The following BTBD10 variants were observed in gnomAD, a reference collection of about 807,000 sequenced individuals.
BTBD10 encodes BTB/POZ domain-containing protein 10.
In BTBD10, 21 loss-of-function variants were observed where a neutral mutation model predicts 53.2. The ratio of observed to expected loss-of-function variants is 0.39; its 90% CI spans 0.28 to 0.57. The LOEUF (loss-of-function observed/expected upper bound fraction) is 0.57, where lower values mean the gene tolerates loss of function less well. Ranked by LOEUF, BTBD10 falls within the 20% of genes least tolerant of loss-of-function variation. The pLI, the probability that BTBD10 is intolerant of heterozygous loss-of-function variation, is 0.53. For synonymous variants in BTBD10, 149 were observed against 192.7 expected (o/e 0.77, Z 1.88); for missense variants, 360 against 594.7 (o/e 0.61, Z 4.10).
At chr11:13,449,371 A>C (rs1418596040) in intron 1 of BTBD10, among the ~76,000 whole-genome samples, 1 of 152,148 alleles carries the variant, frequency 6.6e-6, no homozygotes, top group Non-Finnish European at 1.5e-5. Flanking sequence ...TGTTTCATAT[A>C]TGAGGAAATC....
At chr11:13,389,259 G>T in intron 8 of BTBD10, 118 bp from the exon 9 acceptor site, 3 of 802,170 alleles carry the variant, frequency 3.7e-6, no homozygotes, top group Non-Finnish European at 5.8e-6. Context: ...ACAAAGAAGT[G>T]AAAACAATAT....
chr11:13,414,066 C>T (rs957206370), intron 5 of BTBD10, among the ~76,000 whole-genome samples: 6 of 152,098 alleles, frequency 3.9e-5, no homozygotes, highest in African/African-American at 1.4e-4. Context: ...ATCTTAAATA[C>T]TACCTAGATA....
rs184434156 is a variant in BTBD10 at position 13,450,234 on chromosome 11, C to T, written c.-57-5053G>A. ...AAGACTGACCAGGAGGAAGCCAAGA[C>T]GACACCTGAGACAGTTAAATGTCCT... is the stretch of plus-strand genomic sequence containing the variant. On this transcript the variant is annotated intron_variant, in intron 1 of 8. Transcript: ENST00000278174. Among the ~76,000 whole-genome samples, 24 of 152,192 alleles carry T rather than the reference C, an allele frequency of 1.6e-4. No individual in the cohort carries two copies. The East Asian group carries it at 3.5e-3, about 22-fold the overall frequency.
chr11:13,443,569 C>T (rs920092513), intron 2 of BTBD10, among the ~76,000 whole-genome samples: 11 of 151,688 alleles, frequency 7.3e-5, no homozygotes, highest in African/African-American at 2.2e-4. Flanking sequence ...GATATAAATA[C>T]AGCCCCACAT....
intron 6 of BTBD10, among the ~76,000 whole-genome samples, chr11:13,411,773 G>C (rs866229563): frequency 1.3e-5 from 2 of 151,280 alleles, no homozygotes; most frequent in Non-Finnish European, 2.9e-5. Context: ...TTAAATGGTC[G>C]TATGAATAGA....
chr11:13,427,307 T>C (rs1192768070), intron 2 of BTBD10, among the ~76,000 whole-genome samples: 6 of 152,186 alleles, frequency 3.9e-5, no homozygotes, highest in Non-Finnish European at 8.8e-5. Context: ...AGATACACTA[T>C]GCTAGCACTA....
chr11:13,434,263 C>T (rs1212057963), intron 2 of BTBD10, among the ~76,000 whole-genome samples: 1 of 151,960 alleles, frequency 6.6e-6, no homozygotes, highest in Non-Finnish European at 1.5e-5. Context: ...CATGAAGACC[C>T]AGATACTAAC....
intron 2 of BTBD10, among the ~76,000 whole-genome samples, chr11:13,444,507 G>C (rs948092121): frequency 1.3e-5 from 2 of 152,110 alleles, no homozygotes; most frequent in Non-Finnish European, 2.9e-5. Context: ...AACTTGAAAT[G>C]AATTTTATTT....
chr11:13,404,722 A>C (rs939125409), intron 7 of BTBD10: 5 of 426,760 alleles, frequency 1.2e-5, no homozygotes, highest in South Asian at 9.9e-5. Flanking sequence ...ACACTCATTT[A>C]AGTACATCAT....
intron 8 of BTBD10, among the ~76,000 whole-genome samples, chr11:13,389,397 G>C (rs1236303140): frequency 1.3e-5 from 2 of 150,942 alleles, no homozygotes; most frequent in African/African-American, 4.9e-5. Context: ...TAAAGTAGGA[G>C]TATGTTGGAG....
At chr11:13,400,215 G>T (rs971874134) in intron 8 of BTBD10, among the ~76,000 whole-genome samples, 11 of 152,240 alleles carry the variant, frequency 7.2e-5, no homozygotes, top group Non-Finnish European at 1.0e-4. Flanking sequence ...CTTCCAGGCC[G>T]ATTTGTTTAC....
chr11:13,451,986 C>A (rs1041351516), intron 1 of BTBD10, among the ~76,000 whole-genome samples: 2 of 151,844 alleles, frequency 1.3e-5, no homozygotes, highest in Non-Finnish European at 2.9e-5. Context: ...TAGATGGGTA[C>A]AATGGCATAT....
chr11:13,445,074 A>T lies in BTBD10; in HGVS notation c.51T>A (p.Asn17Lys). 1 of 1,613,328 alleles carries T rather than the reference A, an allele frequency of 6.2e-7. No individual in the cohort carries two copies. The highest frequency in any genetic ancestry group is 8.5e-7 in the Non-Finnish European group (1 of 1,179,490). ...GTCTACTATGCAATTTCCGATCCCA[A>T]TTCTCTGGATCACTGGAGTTACCAT... ...PYDGNSSDPE[N>K]WDRKLHSRPR... is the part of the protein sequence containing the mutation. Residue 17 changes from asparagine to lysine, a missense_variant, in exon 2 of 9, where the codon AAT becomes AAA. Asn to Lys is a moderately conservative substitution (Grantham distance 94). Transcript: ENST00000278174.
At chr11:13,394,585 G>A (rs975634183) in intron 8 of BTBD10, among the ~76,000 whole-genome samples, 5 of 152,184 alleles carry the variant, frequency 3.3e-5, no homozygotes, top group South Asian at 2.1e-4. Context: ...TAGGGTACAC[G>A]TGCACAACGT....
At chr11:13,461,882 G>C (rs1253406176) in intron 1 of BTBD10, among the ~76,000 whole-genome samples, 6 of 151,018 alleles carry the variant, frequency 4.0e-5, no homozygotes, top group Admixed American at 3.3e-4. Flanking sequence ...GAAATATTGG[G>C]AAAATTTATA....
In BTBD10 at chr11:13,445,104, G is replaced by A. The variant is rs571881499; in HGVS notation, c.21C>T (p.Pro7=). MAGRPH[P]YDGNSSDPEN... ...CTGGATCACTGGAGTTACCATCATAGGGATGAGGCCGTCCTGCCATCCCAC... is the reference window on the plus strand; with the variant it reads ...CTGGATCACTGGAGTTACCATCATAAGGATGAGGCCGTCCTGCCATCCCAC... Residue 7 remains proline (P), a synonymous_variant, in exon 2 of 9, where the codon CCC becomes CCT. Transcript: ENST00000278174. 6.2e-7 allele frequency: 1 copy of A among 1,613,210 alleles called. No individual in the cohort carries two copies. Among genetic ancestry groups the A allele is most frequent in the Non-Finnish European group, 8.5e-7 (1 of 1,179,394 alleles).
Position 13,388,660 on chromosome 11 carries a change from TA to T in BTBD10, c.*170del, listed in dbSNP as rs138959637. The T allele has an allele frequency of 1.8e-4, 114 of 631,442 alleles. No individual in the cohort carries two copies. The highest frequency in any genetic ancestry group is 2.4e-4 in the Non-Finnish European group (91 of 384,472). The allele number at this position is 631,442 out of a possible 1,614,324, so 39.1% of individuals were successfully genotyped here. A position where few individuals can be genotyped will look rare whatever the true frequency, so the allele number is the denominator to read the frequency against. ...TCAAAATGCTAGAGTTGTACTCATT[TA>T]AAAAAAAACCATTCAGCTACCTTTG... On this transcript the variant is annotated 3_prime_UTR_variant, in exon 9 of 9. Coordinates refer to ENST00000278174, the MANE Select transcript of BTBD10 (RefSeq NM_032320.7).
chr11:13,446,799 A>C (rs1302243588), intron 1 of BTBD10, among the ~76,000 whole-genome samples: 1 of 152,176 alleles, frequency 6.6e-6, no homozygotes, highest in Non-Finnish European at 1.5e-5. Flanking sequence ...TCTGAATTTT[A>C]GATTATAAAA....
intron 3 of BTBD10, among the ~76,000 whole-genome samples, chr11:13,419,961 T>C (rs548325943): frequency 3.3e-5 from 5 of 152,294 alleles, no homozygotes; most frequent in African/African-American, 1.2e-4. Context: ...AAATCTTTAT[T>C]TGTAGACTTT....
Sources: allele counts gnomAD v4.1 joint callset (sites outside exome capture counted in the v4.1 genomes callset), GRCh38; gene constraint gnomAD v4.1.1; transcripts MANE v1.5; gene names NCBI Gene and HGNC (gene_info 2026-07-23, HGNC 2026-07-21).